Variants in TRABD2B observed in about 807,000 individuals in gnomAD.
TRABD2B encodes the protein metalloprotease TIKI2.
In TRABD2B, 14 loss-of-function variants were observed where a neutral mutation model predicts 40.1. The observed-to-expected ratio is 0.35, with a 90% CI of 0.23 to 0.55. The LOEUF (loss-of-function observed/expected upper bound fraction) is 0.55. Ranked by LOEUF, TRABD2B falls within the 20% of genes least tolerant of loss-of-function variation. TRABD2B has a pLI of 0.90. For missense variants in TRABD2B, 541 were observed against 648.6 expected (o/e 0.83, Z 1.80); for synonymous variants, 263 against 277.0 (o/e 0.95, Z 0.50).
chr1:47,811,198 C>T (rs1237454999), intron 2 of TRABD2B, among the ~76,000 whole-genome samples: 1 of 152,074 alleles, frequency 6.6e-6, no homozygotes, highest in African/African-American at 2.4e-5. Context: ...TCTAGGGAGG[C>T]AGGGGTGAAG....
intron 6 of TRABD2B, among the ~76,000 whole-genome samples, chr1:47,768,143 C>G (rs371702010): frequency 6.6e-6 from 1 of 152,198 alleles, no homozygotes; most frequent in Non-Finnish European, 1.5e-5. Flanking sequence ...TACTTTCTTC[C>G]GGTGATGCTC....
chr1:47,906,891 C>T (rs1644685871), intron 2 of TRABD2B, among the ~76,000 whole-genome samples: 1 of 152,246 alleles, frequency 6.6e-6, no homozygotes, highest in African/African-American at 2.4e-5. Flanking sequence ...ACACCAATCC[C>T]TTGTGCTGTC....
Position 47,778,516 on chromosome 1 carries a change from G to A in TRABD2B, c.1017C>T (p.Ile339=), listed in dbSNP as rs1277516242. The stretch of plus-strand genomic sequence containing the variant: ...CCAGCCCTGCCTGCCGCAGGATGTC[G>A]ATGACTGTGTTGTTCCCCAGAAAGT... The part of the protein sequence containing the change: ...AGHFLGNNTV[I]DILRQAGLEV... Residue 339 remains isoleucine, a synonymous_variant, in exon 5 of 7, where the codon ATC becomes ATT. Coordinates refer to ENST00000606738, the MANE Select transcript of TRABD2B (RefSeq NM_001194986.2). The A allele has an allele frequency of 3.9e-6, 6 of 1,536,110 alleles. No individual in the cohort carries two copies. The highest frequency in any genetic ancestry group is 1.7e-4 in the Middle Eastern group (1 of 5,990).
chr1:47,997,264 G>A lies in TRABD2B; in HGVS notation c.-475C>T, dbSNP rs1646107809. The A allele has an allele frequency of 1.0e-6, 1 of 973,488 alleles. No individual in the cohort carries two copies. The highest frequency in any genetic ancestry group is 1.2e-6 in the Non-Finnish European group (1 of 820,936). 60.3% of individuals were successfully genotyped at this position (973,488 alleles called of 1,614,324 possible). A position where few individuals can be genotyped will look rare whatever the true frequency, so the allele number is the denominator to read the frequency against. On this transcript the variant is annotated 5_prime_UTR_variant, in exon 1 of 7. Coordinates refer to ENST00000606738, the MANE Select transcript of TRABD2B (RefSeq NM_001194986.2). ...AAGTGCGGCGGAAGGCGCGGCAGGG[G>A]TGGGGGGCGGCTCTGGGGCGACCGG...
intron 2 of TRABD2B, among the ~76,000 whole-genome samples, chr1:47,806,484 T>G (rs1486943576): frequency 1.3e-5 from 2 of 152,026 alleles, no homozygotes; most frequent in African/African-American, 2.4e-5. Context: ...TGGCCCACTC[T>G]AGGATAATGT....
chr1:47,895,749 T>C (rs1644509112), intron 2 of TRABD2B, among the ~76,000 whole-genome samples: 1 of 152,180 alleles, frequency 6.6e-6, no homozygotes, highest in Non-Finnish European at 1.5e-5. Flanking sequence ...CCTTGGGTGA[T>C]CCTCTGGGCT....
At chr1:47,789,954 G>A (rs1298074436) in intron 4 of TRABD2B, among the ~76,000 whole-genome samples, 2 of 150,780 alleles carry the variant, frequency 1.3e-5, no homozygotes, top group Admixed American at 6.6e-5. Context: ...AAAAAAAAAA[G>A]GTAGGTGAGT....
intron 2 of TRABD2B, among the ~76,000 whole-genome samples, chr1:47,835,640 C>T (rs551712115): frequency 5.9e-5 from 9 of 152,236 alleles, no homozygotes; most frequent in South Asian, 2.1e-4. Context: ...AGGAAAAGAA[C>T]GTCAATGAAG....
chr1:47,914,715 T>C lies in TRABD2B; in HGVS notation c.666+79319A>G, dbSNP rs114845831. 2.5e-3 allele frequency among the ~76,000 whole-genome samples: 374 copies of C among 152,300 alleles called. 3 individuals are homozygous for C. The highest frequency in any genetic ancestry group is 8.8e-3 in the African/African-American group (365 of 41,562). ...CCCCTCCATAGAAAGAGCTGGTCCA[T>C]TGGCACTGCTCAGAAGGCCTGAGTC... is the stretch of plus-strand genomic sequence containing the variant. On this transcript the variant is annotated intron_variant, in intron 2 of 6. Transcript: ENST00000606738.
intron 2 of TRABD2B, among the ~76,000 whole-genome samples, chr1:47,843,453 A>G (rs1482920960): frequency 6.6e-6 from 1 of 152,174 alleles, no homozygotes; most frequent in Non-Finnish European, 1.5e-5. Flanking sequence ...GGCCTGAGCA[A>G]CTGTCGGAGT....
chr1:47,809,265 T>C (rs1283820845), intron 2 of TRABD2B, among the ~76,000 whole-genome samples: 8 of 152,224 alleles, frequency 5.3e-5, no homozygotes, highest in African/African-American at 1.9e-4. Flanking sequence ...CCTTCCCGCT[T>C]GAGGATGAAT....
At chr1:47,982,765 A>G (rs1453997843) in intron 2 of TRABD2B, among the ~76,000 whole-genome samples, 2 of 152,078 alleles carry the variant, frequency 1.3e-5, no homozygotes, top group African/African-American at 4.8e-5. Flanking sequence ...TTCCCTCTGC[A>G]TTTTCCCATC....
At chr1:47,927,866 C>G (rs1313152761) in intron 2 of TRABD2B, among the ~76,000 whole-genome samples, 1 of 152,200 alleles carries the variant, frequency 6.6e-6, no homozygotes, top group Non-Finnish European at 1.5e-5. Flanking sequence ...CTGAGCAAGA[C>G]CTCTGCTTCT....
intron 2 of TRABD2B, among the ~76,000 whole-genome samples, chr1:47,825,614 C>T (rs1645164256): frequency 6.6e-6 from 1 of 152,236 alleles, no homozygotes; most frequent in Non-Finnish European, 1.5e-5. Flanking sequence ...TGGCACAGTT[C>T]CCAAAACCCA....
chr1:47,933,262 C>A (rs369472459), intron 2 of TRABD2B, among the ~76,000 whole-genome samples: 2 of 152,064 alleles, frequency 1.3e-5, no homozygotes, highest in East Asian at 3.9e-4. Context: ...CCCGCCACCA[C>A]GCCTGGCTAA....
intron 2 of TRABD2B, among the ~76,000 whole-genome samples, chr1:47,882,083 C>T (rs1026409728): frequency 1.3e-5 from 2 of 152,258 alleles, no homozygotes; most frequent in African/African-American, 2.4e-5. Flanking sequence ...CCCCGCTCTG[C>T]AGCAAGCAGG....
intron 5 of TRABD2B, among the ~76,000 whole-genome samples, chr1:47,777,082 C>G (rs868165000): frequency 1.1e-4 from 16 of 152,276 alleles, no homozygotes; most frequent in Middle Eastern, 3.4e-3. Flanking sequence ...GTGGAGGGCC[C>G]CCTCCCCTAA....
intron 2 of TRABD2B, among the ~76,000 whole-genome samples, chr1:47,828,047 G>C (rs1446366419): frequency 6.6e-6 from 1 of 152,282 alleles, no homozygotes; most frequent in East Asian, 1.9e-4. Flanking sequence ...GTTTCCTCCT[G>C]TTAACTGGGG....
At chr1:47,906,494 C>G (rs1347527889) in intron 2 of TRABD2B, among the ~76,000 whole-genome samples, 1 of 152,202 alleles carries the variant, frequency 6.6e-6, no homozygotes, top group Non-Finnish European at 1.5e-5. Flanking sequence ...AATTCTGATC[C>G]CAGTTTTGAG....
Sources: gnomAD v4.1 joint callset for allele counts (sites outside exome capture counted in the v4.1 genomes callset) on GRCh38, gnomAD v4.1.1 for gene constraint, MANE v1.5 for transcripts, NCBI Gene and HGNC (gene_info 2026-07-23, HGNC 2026-07-21) for gene names.